PLAA: variants seen among roughly 807,000 people sequenced by gnomAD.
PLAA encodes the protein phospholipase A-2-activating protein.
In PLAA, 48 loss-of-function variants were observed where a neutral mutation model predicts 84.1. The ratio of observed to expected loss-of-function variants is 0.57; its 90% CI spans 0.45 to 0.73. The LOEUF (loss-of-function observed/expected upper bound fraction) is 0.73. PLAA is among the 30% of genes least tolerant of loss of function. PLAA has a pLI of 0.00. For missense variants in PLAA, 903 were observed against 954.7 expected (o/e 0.95, Z 0.71); for synonymous variants, 392 against 336.6 (o/e 1.16, Z -1.80).
At position 26,905,168 on chromosome 9, in the gene PLAA, T is replaced by C. The variant is rs991359132; in HGVS notation, c.*343A>G. 1 of 206,426 alleles carries C rather than the reference T, an allele frequency of 4.8e-6. No homozygotes were observed. The highest frequency in any genetic ancestry group is 9.8e-6 in the Non-Finnish European group (1 of 102,400). The allele number at this position is 206,426 out of a possible 1,614,324, so 12.8% of individuals were successfully genotyped here. On this transcript the variant is annotated 3_prime_UTR_variant, in exon 14 of 14. Transcript: ENST00000397292. ...TAAAAGATAATTGACAACAACAGTT[T>C]GGTGTACATTAAGTAATAAAAGCAA...
At chr9:26,940,397 TA>T (rs980342749) in intron 1 of PLAA, among the ~76,000 whole-genome samples, 2 of 152,220 alleles carry the variant, frequency 1.3e-5, no homozygotes, top group African/African-American at 4.8e-5. Context: ...AAGCCAGTTA[TA>T]AAAACACAAA....
At chr9:26,915,313 T>A (rs754493633) in intron 10 of PLAA, among the ~76,000 whole-genome samples, 7 of 152,160 alleles carry the variant, frequency 4.6e-5, no homozygotes, top group Non-Finnish European at 1.0e-4. Flanking sequence ...AGTTTTAACC[T>A]CCTCATTAAT....
Position 26,905,422 on chromosome 9 carries a change from C to A in PLAA, c.*89G>T, listed in dbSNP as rs1205343582. 4.9e-6 allele frequency: 5 copies of A among 1,021,778 alleles called. No individual in the cohort carries two copies. The highest frequency in any genetic ancestry group is 7.2e-6 in the Non-Finnish European group (5 of 693,616). The allele number at this position is 1,021,778 out of a possible 1,614,324, so 63.3% of individuals were successfully genotyped here. A position where few individuals can be genotyped will look rare whatever the true frequency, so the allele number is the denominator to read the frequency against. ...AAAATTTTACTTAATCCACCGTATT[C>A]TCTTTTTTTAATTATCTGTTATCAG... On this transcript the variant is annotated 3_prime_UTR_variant, in exon 14 of 14. Transcript: ENST00000397292.
intron 13 of PLAA, 139 bp from the exon 14 acceptor site, chr9:26,906,215 A>G (rs1007615063): frequency 1.9e-6 from 1 of 526,496 alleles, no homozygotes; most frequent in Non-Finnish European, 3.2e-6. Flanking sequence ...TGCTTTAAAA[A>G]AAATGCATAT....
Position 26,947,228 on chromosome 9 carries a change from T to C in PLAA, c.-183A>G. 1 of 635,850 alleles carries C rather than the reference T, an allele frequency of 1.6e-6. No individual in the cohort carries two copies. The highest frequency in any genetic ancestry group is 2.6e-6 in the Non-Finnish European group (1 of 388,396). The allele number at this position is 635,850 out of a possible 1,614,324, so 39.4% of individuals were successfully genotyped here. A position where few individuals can be genotyped will look rare whatever the true frequency, so the allele number is the denominator to read the frequency against. ...GAAGGGGCGCGCCGAGCGGGCCGAG[T>C]GACACAGCAAGCCTGACAGGCACTC... is the stretch of plus-strand genomic sequence containing the variant. On this transcript the variant is annotated 5_prime_UTR_variant, in exon 1 of 14. Coordinates refer to ENST00000397292, the MANE Select transcript of PLAA (RefSeq NM_001031689.3).
At chr9:26,945,673 T>C (rs766723671) in intron 1 of PLAA, among the ~76,000 whole-genome samples, 13 of 152,202 alleles carry the variant, frequency 8.5e-5, no homozygotes, top group Non-Finnish European at 1.8e-4. Flanking sequence ...CTTGAAACTA[T>C]TTGAAGGCTT....
intron 1 of PLAA, among the ~76,000 whole-genome samples, chr9:26,938,389 A>G (rs918771381): frequency 3.3e-5 from 5 of 151,908 alleles, no homozygotes; most frequent in African/African-American, 1.2e-4. Flanking sequence ...ATCTTGAAAA[A>G]TTTTTTTGGA....
At chr9:26,923,399 A>G (rs895570370) in intron 6 of PLAA, 52 bp from the exon 7 acceptor site, 11 of 1,241,224 alleles carry the variant, frequency 8.9e-6, no homozygotes, top group Non-Finnish European at 1.3e-5. Context: ...ATACATTAAC[A>G]TTATCACACC....
chr9:26,918,115 T>A (rs10812498), intron 9 of PLAA, among the ~76,000 whole-genome samples: 43,089 of 149,460 alleles, frequency 0.29, 7,194 homozygotes, highest in East Asian at 0.68. Context: ...TTTTTTAAAA[T>A]TTTTTGATTT....
At chr9:26,936,860 G>A (rs562971335) in intron 1 of PLAA, among the ~76,000 whole-genome samples, 1 of 152,280 alleles carries the variant, frequency 6.6e-6, no homozygotes, top group Non-Finnish European at 1.5e-5. Flanking sequence ...CTGATGCCCG[G>A]CCGGGCACAG....
chr9:26,923,386 A>G (rs1337465928), intron 6 of PLAA, 39 bp from the exon 7 acceptor site: 1 of 1,407,986 alleles, frequency 7.1e-7, no homozygotes, highest in Middle Eastern at 1.8e-4. Context: ...AGTCATTGCC[A>G]TAATACATTA....
chr9:26,918,307 T>TTTTG (rs1201027376), intron 9 of PLAA, among the ~76,000 whole-genome samples: 3 of 150,636 alleles, frequency 2.0e-5, no homozygotes, highest in African/African-American at 7.3e-5. Context: ...TTTTTTTTTT[T>TTTTG]TTAGTAGAGA....
chr9:26,941,399 C>A (rs531261545), intron 1 of PLAA, among the ~76,000 whole-genome samples: 1 of 152,110 alleles, frequency 6.6e-6, no homozygotes, highest in African/African-American at 2.4e-5. Context: ...ATCCTCTAGG[C>A]AGCAGATCAG....
At chr9:26,918,986 A>T (rs1421500856) in intron 9 of PLAA, among the ~76,000 whole-genome samples, 2 of 152,236 alleles carry the variant, frequency 1.3e-5, no homozygotes, top group Non-Finnish European at 2.9e-5. Context: ...CCTCATGTGA[A>T]AAAAAGATTT....
chr9:26,926,339 G>T, intron 5 of PLAA, 54 bp downstream of exon 5: 1 of 1,190,442 alleles, frequency 8.4e-7, no homozygotes, highest in Non-Finnish European at 1.2e-6. Flanking sequence ...TCACAAATGG[G>T]ATGGAATAAT....
intron 1 of PLAA, among the ~76,000 whole-genome samples, chr9:26,940,315 C>G (rs1284327156): frequency 4.6e-5 from 7 of 152,124 alleles, no homozygotes; most frequent in Non-Finnish European, 7.4e-5. Flanking sequence ...TTTATTCAGC[C>G]TTAAAAAGGA....
At chr9:26,915,028 C>A (rs983670218) in intron 10 of PLAA, among the ~76,000 whole-genome samples, 2 of 151,894 alleles carry the variant, frequency 1.3e-5, no homozygotes, top group Non-Finnish European at 2.9e-5. Flanking sequence ...GCCTGACCAA[C>A]ATGGATAAAC....
chr9:26,939,578 T>TA (rs1825466658), intron 1 of PLAA, among the ~76,000 whole-genome samples: 1 of 148,788 alleles, frequency 6.7e-6, no homozygotes, highest in African/African-American at 2.5e-5. Context: ...GTAAATGAAT[T>TA]AAATTCTCCA....
At chr9:26,920,871 A>C (rs1363591335) in intron 7 of PLAA, among the ~76,000 whole-genome samples, 2 of 152,092 alleles carry the variant, frequency 1.3e-5, no homozygotes, top group African/African-American at 4.8e-5. Flanking sequence ...GGTCCAAGCC[A>C]CCATCATTTC....
Sources: gnomAD v4.1 joint callset for allele counts (sites outside exome capture counted in the v4.1 genomes callset) on GRCh38, gnomAD v4.1.1 for gene constraint, MANE v1.5 for transcripts, NCBI Gene and HGNC (gene_info 2026-07-23, HGNC 2026-07-21) for gene names.